Variants in SLC24A3 observed in about 807,000 individuals in gnomAD.
The protein encoded by SLC24A3 is solute carrier family 24 member 3.
SLC24A3 carries 28 observed loss-of-function variants against 75.8 expected under a neutral mutation model. The ratio of observed to expected loss-of-function variants is 0.37; its 90% confidence interval spans 0.27 to 0.51. SLC24A3 has a LOEUF of 0.51. Ranked by LOEUF, SLC24A3 falls within the 20% of genes least tolerant of loss-of-function variation. The probability of loss-of-function intolerance (pLI) is 0.94; values close to 1 mark genes in which losing one functional copy is unlikely to be tolerated. For missense variants in SLC24A3, 663 were observed against 847.8 expected (o/e 0.78, Z 2.71); for synonymous variants, 372 against 334.1 (o/e 1.11, Z -1.24).
intron 3 of SLC24A3, among the ~76,000 whole-genome samples, chr20:19,577,358 G>A (rs1254661463): frequency 7.2e-5 from 11 of 152,040 alleles, no homozygotes; most frequent in Non-Finnish European, 1.3e-4. Context: ...CCCGTTAATC[G>A]ACATTTTTAA....
At chr20:19,355,198 A>C (rs948334377) in intron 2 of SLC24A3, 1 of 152,172 alleles carries the variant, frequency 6.6e-6, no homozygotes, top group African/African-American at 2.4e-5. Context: ...ATGTGGTTCC[A>C]ATCACTGCAT....
chr20:19,608,667 G>A (rs2031629779), intron 6 of SLC24A3, among the ~76,000 whole-genome samples: 1 of 152,200 alleles, frequency 6.6e-6, no homozygotes, highest in Non-Finnish European at 1.5e-5. Context: ...TTGTCAAAAA[G>A]GAGGGTGTAA....
At position 19,720,998 on chromosome 20, in the gene SLC24A3, G is replaced by T. The variant is rs150597620; in HGVS notation, c.1793G>T (p.Gly598Val). The T allele has an allele frequency of 1.9e-6, 3 of 1,613,740 alleles. No homozygotes were observed. Among genetic ancestry groups the T allele is most frequent in the Non-Finnish European group, 2.5e-6 (3 of 1,179,924 alleles). ...LLASVFVTVF[G>V]VHLNKWQLDK... ...CTGTTCTGTGCCCTGCAGGTGTTCG[G>T]CGTCCACCTGAACAAGTGGCAGCTG... is the stretch of plus-strand genomic sequence containing the variant. The change falls in exon 17 of 17, where the codon GGC (glycine) becomes GTC (valine). Residue 598 changes from glycine (G) to valine (V), a missense_variant. Gly to Val is a moderately radical substitution (Grantham distance 109, BLOSUM62 -3). Coordinates refer to ENST00000328041, the MANE Select transcript of SLC24A3 (RefSeq NM_020689.4).
At chr20:19,309,432 G>C (rs1290542148) in intron 2 of SLC24A3, among the ~76,000 whole-genome samples, 2 of 152,094 alleles carry the variant, frequency 1.3e-5, no homozygotes, top group Admixed American at 6.5e-5. Flanking sequence ...TGTGGTCCAG[G>C]GACCAGCCTG....
At chr20:19,304,905 CT>C in intron 2 of SLC24A3, among the ~76,000 whole-genome samples, 1 of 152,294 alleles carries the variant, frequency 6.6e-6, no homozygotes, top group South Asian at 2.1e-4. Flanking sequence ...TATTTTGGCC[CT>C]GTCTGAACTT....
intron 9 of SLC24A3, among the ~76,000 whole-genome samples, chr20:19,680,420 TTCTC>T (rs1324841895): frequency 6.6e-6 from 1 of 152,132 alleles, no homozygotes; most frequent in Non-Finnish European, 1.5e-5. Context: ...AGGTCTGCCT[TTCTC>T]TGTCTGTAGT....
At chr20:19,490,671 A>T (rs1317884676) in intron 2 of SLC24A3, among the ~76,000 whole-genome samples, 2 of 152,108 alleles carry the variant, frequency 1.3e-5, no homozygotes. Context: ...AAAAATAAAC[A>T]CCATTCCTCA....
chr20:19,658,252 C>A (rs1334435826), intron 7 of SLC24A3, among the ~76,000 whole-genome samples: 3 of 151,348 alleles, frequency 2.0e-5, no homozygotes, highest in African/African-American at 7.3e-5. Flanking sequence ...TGCTGAGGGG[C>A]CGAGGGTTCA....
intron 2 of SLC24A3, among the ~76,000 whole-genome samples, chr20:19,381,301 G>A (rs1458959794): frequency 1.3e-5 from 2 of 152,100 alleles, no homozygotes; most frequent in Non-Finnish European, 1.5e-5. Flanking sequence ...TGGGAGAGGA[G>A]AATAAACAAA....
chr20:19,504,247 T>C (rs1477537227), intron 2 of SLC24A3, among the ~76,000 whole-genome samples: 1 of 152,162 alleles, frequency 6.6e-6, no homozygotes, highest in East Asian at 1.9e-4. Context: ...AGGGAAACTT[T>C]TGTGCTTTTC....
intron 6 of SLC24A3, among the ~76,000 whole-genome samples, chr20:19,632,505 C>T (rs2031946941): frequency 6.6e-6 from 1 of 152,174 alleles, no homozygotes; most frequent in African/African-American, 2.4e-5. Context: ...CTCCTTCTTC[C>T]CTCTTGTAAA....
chr20:19,329,399 A>C (rs6136681), intron 2 of SLC24A3, among the ~76,000 whole-genome samples: 24,464 of 152,160 alleles, frequency 0.16, 4,212 homozygotes, highest in African/African-American at 0.41. Flanking sequence ...CTCCTTCATT[A>C]CATGAGCATA....
chr20:19,319,738 G>A (rs1338161668), intron 2 of SLC24A3, among the ~76,000 whole-genome samples: 1 of 152,166 alleles, frequency 6.6e-6, no homozygotes, highest in Non-Finnish European at 1.5e-5. Context: ...GAGGCAGCAG[G>A]AAAGCACAGG....
rs76332457 is a variant in SLC24A3, at chr20:19,411,871, A to T, written c.272-103617A>T. On this transcript the variant is annotated intron_variant, in intron 2 of 16. Transcript: ENST00000328041. ...AAAATAGTTGACAATTTTTTTGTACATATTTGGTGAACTTCCTTTGTGTTC... is the reference window on the plus strand; with the variant it reads ...AAAATAGTTGACAATTTTTTTGTACTTATTTGGTGAACTTCCTTTGTGTTC... Among the ~76,000 whole-genome samples the T allele has an allele frequency of 7.6e-3, 1,165 of 152,290 alleles. 7 individuals are homozygous for T. The highest frequency in any genetic ancestry group is 0.013 in the Non-Finnish European group (866 of 68,032).
chr20:19,236,050 C>G (rs1274382789), intron 1 of SLC24A3, among the ~76,000 whole-genome samples: 1 of 152,222 alleles, frequency 6.6e-6, no homozygotes, highest in East Asian at 1.9e-4. Context: ...CTGACCACTT[C>G]TTCTATCTCA....
intron 2 of SLC24A3, among the ~76,000 whole-genome samples, chr20:19,433,593 G>A (rs1030126564): frequency 2.0e-5 from 3 of 152,088 alleles, no homozygotes; most frequent in African/African-American, 4.8e-5. Context: ...GGTAGGCCCT[G>A]GAATTTGGTA....
chr20:19,316,517 C>G (rs1984591861), intron 2 of SLC24A3, among the ~76,000 whole-genome samples: 2 of 152,196 alleles, frequency 1.3e-5, no homozygotes, highest in South Asian at 4.1e-4. Context: ...GCTCATAAAT[C>G]AGTCAAATAA....
At chr20:19,563,350 A>G (rs1291250926) in intron 3 of SLC24A3, among the ~76,000 whole-genome samples, 2 of 152,196 alleles carry the variant, frequency 1.3e-5, no homozygotes, top group Non-Finnish European at 2.9e-5. Context: ...CACCCACAAG[A>G]AGTTGCCTGC....
intron 2 of SLC24A3, among the ~76,000 whole-genome samples, chr20:19,389,788 A>C (rs1172922133): frequency 6.6e-6 from 1 of 152,142 alleles, no homozygotes; most frequent in African/African-American, 2.4e-5. Context: ...CAGATTTGGA[A>C]GATTTCCTGT....
Sources: allele counts gnomAD v4.1 joint callset (sites outside exome capture counted in the v4.1 genomes callset), GRCh38; gene constraint gnomAD v4.1.1; transcripts MANE v1.5; gene names NCBI Gene and HGNC (gene_info 2026-07-23, HGNC 2026-07-21).